The following CCDC66 variants were observed in gnomAD, a reference collection of about 807,000 sequenced individuals.
CCDC66 encodes coiled-coil domain containing 66, also known as coiled-coil domain-containing protein 66.
A neutral mutation model predicts 128.3 loss-of-function variants in CCDC66; 133 were observed. That is an observed-to-expected ratio of 1.04 (90% CI 0.90 to 1.20). CCDC66 has a LOEUF of 1.20. Ranked by LOEUF, CCDC66 falls within the 50% of genes most tolerant of loss-of-function variation. The pLI, the probability that CCDC66 is intolerant of heterozygous loss-of-function variation, is 0.00. For synonymous variants in CCDC66, 387 were observed against 357.0 expected (o/e 1.08, Z -0.95); for missense variants, 1,126 against 1,075.5 (o/e 1.05, Z -0.66).
chr3:56,598,714 A>G (rs552953862), intron 10 of CCDC66, among the ~76,000 whole-genome samples: 40 of 152,164 alleles, frequency 2.6e-4, no homozygotes, highest in Non-Finnish European at 4.4e-4. Flanking sequence ...GATGTATCAC[A>G]TTTATTGATT....
chr3:56,564,062 T>C lies in CCDC66; in HGVS notation c.481T>C (p.Leu161=). 2 of 1,613,990 alleles carry C rather than the reference T, an allele frequency of 1.2e-6. No homozygotes were observed. The highest frequency in any genetic ancestry group is 1.7e-6 in the Non-Finnish European group (2 of 1,179,948). Residue 161 remains leucine, a synonymous_variant, in exon 4 of 18, where the codon TTG becomes CTG. Transcript: ENST00000394672. Reference sequence around the variant, plus strand: ...AACACAAGACCAACTACAACAGATTTTGATGACTGTAAACCAAGGAAATAG... The same window carrying C: ...AACACAAGACCAACTACAACAGATTCTGATGACTGTAAACCAAGGAAATAG... ...CLTQDQLQQI[L]MTVNQGNRSL...
chr3:56,621,304 A>AAAAT (rs1423299315), intron 17 of CCDC66: 7 of 344,668 alleles, frequency 2.0e-5, no homozygotes, highest in Admixed American at 4.4e-5. Flanking sequence ...GAGTTCTAAG[A>AAAAT]AAATTTTCAT....
intron 4 of CCDC66, 145 bp downstream of exon 4, chr3:56,564,270 C>A: frequency 3.3e-6 from 2 of 603,808 alleles, no homozygotes; most frequent in Non-Finnish European, 5.6e-6. Flanking sequence ...TTTTAGAGGA[C>A]TTTCTCTAAT....
chr3:56,613,542 T>G, intron 10 of CCDC66, 47 bp from the exon 11 acceptor site: 1 of 1,589,330 alleles, frequency 6.3e-7, no homozygotes. Context: ...TCCCTCCTGC[T>G]TAGATTTTTA....
intron 7 of CCDC66, among the ~76,000 whole-genome samples, chr3:56,583,306 G>A (rs2068756740): frequency 6.6e-6 from 1 of 151,946 alleles, no homozygotes; most frequent in South Asian, 2.1e-4. Flanking sequence ...GTTTTTGTTT[G>A]TTTGTTTGTT....
chr3:56,616,858 TC>T (rs1246277909), intron 13 of CCDC66: 15 of 353,096 alleles, frequency 4.2e-5, no homozygotes, highest in South Asian at 7.4e-5. Context: ...GGTTTGCATT[TC>T]CCCCCCAGTG....
At position 56,617,159 on chromosome 3, in the gene CCDC66, T is replaced by A. The variant is rs1368148453; in HGVS notation, c.1891T>A (p.Ser631Thr). The A allele has an allele frequency of 6.2e-7, 1 of 1,605,276 alleles. No individual in the cohort carries two copies. The highest frequency in any genetic ancestry group is 8.5e-7 in the Non-Finnish European group (1 of 1,176,434). Residue 631 changes from serine (S) to threonine (T), a missense_variant, in exon 14 of 18, where the codon TCA becomes ACA. Coordinates refer to ENST00000394672, the MANE Select transcript of CCDC66 (RefSeq NM_001141947.3). ...IFTNAESHCG[S>T]LMERDITNCS... ...CACCAATGCAGAATCACATTGTGGA[T>A]CATTAATGGAGAGGGACATCACAAA...
chr3:56,589,777 C>A (rs1215661126), intron 7 of CCDC66, among the ~76,000 whole-genome samples: 2 of 152,130 alleles, frequency 1.3e-5, no homozygotes, highest in Admixed American at 6.5e-5. Context: ...AAAGGACTTA[C>A]ATCCAGCATA....
intron 3 of CCDC66, among the ~76,000 whole-genome samples, chr3:56,560,426 T>TA (rs1378380452): frequency 1.3e-5 from 2 of 152,128 alleles, no homozygotes; most frequent in Non-Finnish European, 2.9e-5. Flanking sequence ...AGGCTGGAAT[T>TA]ACCATTTAAA....
At chr3:56,621,481 C>T (rs777817867) in intron 17 of CCDC66, 51 bp from the exon 18 acceptor site, 1 of 1,132,886 alleles carries the variant, frequency 8.8e-7, no homozygotes, top group South Asian at 1.5e-5. Flanking sequence ...CACAACATTG[C>T]AAGTCAGGTG....
chr3:56,585,522 C>T (rs1314803858), intron 7 of CCDC66, among the ~76,000 whole-genome samples: 1 of 151,598 alleles, frequency 6.6e-6, no homozygotes, highest in African/African-American at 2.4e-5. Context: ...ATAGAAAAAA[C>T]TTTCTAGATC....
chr3:56,613,013 G>C (rs958414816), intron 10 of CCDC66, among the ~76,000 whole-genome samples: 8 of 152,180 alleles, frequency 5.3e-5, no homozygotes, highest in African/African-American at 1.9e-4. Context: ...GCTTTCAGTG[G>C]GTTGCTCTTG....
chr3:56,605,026 C>T (rs2073865389), intron 10 of CCDC66, among the ~76,000 whole-genome samples: 1 of 151,932 alleles, frequency 6.6e-6, no homozygotes, highest in Admixed American at 6.6e-5. Context: ...AGTTGATCTT[C>T]AATCACTGAT....
chr3:56,584,156 C>T (rs1407379273), intron 7 of CCDC66, among the ~76,000 whole-genome samples: 8 of 146,698 alleles, frequency 5.5e-5, no homozygotes, highest in African/African-American at 1.5e-4. Context: ...CGGGCGGGGG[C>T]GGCCCCCCAC....
intron 7 of CCDC66, among the ~76,000 whole-genome samples, chr3:56,574,195 C>G (rs1373929452): frequency 1.3e-5 from 2 of 151,500 alleles, no homozygotes; most frequent in Non-Finnish European, 2.9e-5. Flanking sequence ...AACCCCATCT[C>G]TGCTAAAAAT....
At chr3:56,600,649 C>A (rs1014108633) in intron 10 of CCDC66, among the ~76,000 whole-genome samples, 1 of 151,942 alleles carries the variant, frequency 6.6e-6, no homozygotes, top group Admixed American at 6.5e-5. Context: ...TCTGTTGTTT[C>A]CTGACTTTTT....
chr3:56,613,896 T>TG, intron 11 of CCDC66, 146 bp downstream of exon 11: 1 of 643,642 alleles, frequency 1.6e-6, no homozygotes, highest in East Asian at 2.9e-5. Context: ...CCTTCCACCT[T>TG]GGTCTCCTCA....
At chr3:56,614,998 A>G in intron 11 of CCDC66, 130 bp from the exon 12 acceptor site, 5 of 743,840 alleles carry the variant, frequency 6.7e-6, no homozygotes, top group Non-Finnish European at 1.0e-5. Context: ...TGCCTTGTTG[A>G]CTGTTGTACC....
At chr3:56,572,387 C>G in intron 7 of CCDC66, 1 of 1,289,568 alleles carries the variant, frequency 7.8e-7, no homozygotes, top group Non-Finnish European at 1.0e-6. Flanking sequence ...GTGGTCCAAG[C>G]TGATGGGGCA....
Sources: allele counts gnomAD v4.1 joint callset (sites outside exome capture counted in the v4.1 genomes callset), GRCh38; gene constraint gnomAD v4.1.1; transcripts MANE v1.5; gene names NCBI Gene and HGNC (gene_info 2026-07-23, HGNC 2026-07-21).